Variants in TRPC5 observed in about 807,000 individuals in gnomAD.
TRPC5 encodes the protein short transient receptor potential channel 5.
Under a neutral mutation model 56.5 loss-of-function variants are expected in TRPC5, and 9 were observed. The ratio of observed to expected loss-of-function variants is 0.16; its 90% confidence interval spans 0.10 to 0.28. TRPC5 has a LOEUF of 0.28. TRPC5 is among the 10% of genes least tolerant of loss of function. The probability of loss-of-function intolerance (pLI) is 1.00; values close to 1 mark genes in which losing one functional copy is unlikely to be tolerated. For missense variants in TRPC5, 469 were observed against 748.9 expected (o/e 0.63, Z 4.36); for synonymous variants, 282 against 278.5 (o/e 1.01, Z -0.13).
chrX:111,843,255 A>T (rs1214414243), intron 6 of TRPC5, among the ~76,000 whole-genome samples: 1 of 112,552 alleles, frequency 8.9e-6, no homozygotes, highest in Non-Finnish European at 1.9e-5. Flanking sequence ...TCTATGGCAG[A>T]TGCAAAGCTT....
intron 8 of TRPC5, 21 bp from the exon 9 acceptor site, chrX:111,781,227 A>T: frequency 8.4e-7 from 1 of 1,195,257 alleles, no homozygotes; most frequent in Non-Finnish European, 1.1e-6. Flanking sequence ...AAATAGACAG[A>T]GATGTTACAT....
intron 2 of TRPC5, among the ~76,000 whole-genome samples, chrX:111,916,374 G>T (rs1318926644): frequency 9.0e-6 from 1 of 111,495 alleles, no homozygotes; most frequent in Non-Finnish European, 1.9e-5. Context: ...TCAAAGTGGG[G>T]ACTGATCCAT....
At chrX:111,992,071 T>C (rs1928369239) in intron 1 of TRPC5, among the ~76,000 whole-genome samples, 1 of 112,411 alleles carries the variant, frequency 8.9e-6, no homozygotes, top group Non-Finnish European at 1.9e-5. Context: ...AACTGTGACA[T>C]TAATCAAATG....
At chrX:111,809,864 T>A (rs1921642073) in intron 7 of TRPC5, among the ~76,000 whole-genome samples, 1 of 109,980 alleles carries the variant, frequency 9.1e-6, no homozygotes, top group African/African-American at 3.4e-5. Flanking sequence ...ATGGTCACCA[T>A]GCCGTAGTCT....
chrX:112,035,526 A>C (rs1260901122), intron 1 of TRPC5, among the ~76,000 whole-genome samples: 1 of 110,668 alleles, frequency 9.0e-6, no homozygotes, highest in Non-Finnish European at 1.9e-5. Context: ...CCTATGTTTG[A>C]ACATTGCAAC....
chrX:111,992,186 G>T (rs1338773270), intron 1 of TRPC5, among the ~76,000 whole-genome samples: 1 of 112,299 alleles, frequency 8.9e-6, no homozygotes, highest in Non-Finnish European at 1.9e-5. Flanking sequence ...CTTGGGCACA[G>T]GGTAAGACTA....
At chrX:111,836,513 C>CA (rs1277373585) in intron 6 of TRPC5, among the ~76,000 whole-genome samples, 1 of 111,979 alleles carries the variant, frequency 8.9e-6, no homozygotes, top group Non-Finnish European at 1.9e-5. Context: ...TTCTTATCAT[C>CA]AAGGTCTCAG....
intron 2 of TRPC5, among the ~76,000 whole-genome samples, chrX:111,914,553 C>A (rs1407332284): frequency 9.0e-6 from 1 of 111,709 alleles, no homozygotes; most frequent in Non-Finnish European, 1.9e-5. Context: ...TTGCAAGAAA[C>A]CTGTTTCCTT....
At chrX:112,003,198 C>A (rs1459242977) in intron 1 of TRPC5, among the ~76,000 whole-genome samples, 2 of 111,670 alleles carry the variant, frequency 1.8e-5, no homozygotes, top group African/African-American at 6.5e-5. Flanking sequence ...GTGAGGCAAA[C>A]ATTAATCAAA....
At chrX:111,784,921 G>A (rs772803790) in intron 7 of TRPC5, among the ~76,000 whole-genome samples, 19 of 112,445 alleles carry the variant, frequency 1.7e-4, no homozygotes, top group African/African-American at 6.1e-4. Context: ...CAGGAAGCTC[G>A]AACTGGGGGG....
At chrX:111,901,634 A>C (rs1925349701) in intron 3 of TRPC5, 1 of 320,223 alleles carries the variant, frequency 3.1e-6, no homozygotes, top group Admixed American at 5.5e-5. Context: ...ACCATACATA[A>C]ATTCTGTGCG....
At chrX:112,002,860 T>C (rs745784689) in intron 1 of TRPC5, among the ~76,000 whole-genome samples, 1 of 112,279 alleles carries the variant, frequency 8.9e-6, no homozygotes, top group South Asian at 3.7e-4. Context: ...AACATAAACA[T>C]TGTGACCAAC....
chrX:111,950,763 A>C (rs1927066402), intron 2 of TRPC5, among the ~76,000 whole-genome samples: 1 of 112,413 alleles, frequency 8.9e-6, no homozygotes. Context: ...TCATTTATAA[A>C]ATAATGTTTG....
intron 2 of TRPC5, among the ~76,000 whole-genome samples, chrX:111,916,800 A>G (rs1023463767): frequency 1.6e-4 from 18 of 112,704 alleles, no homozygotes; most frequent in Non-Finnish European, 3.4e-4. Context: ...ACGTTGGCTC[A>G]AAAATTTTAA....
intron 6 of TRPC5, among the ~76,000 whole-genome samples, chrX:111,842,911 C>G (rs1029830030): frequency 8.9e-6 from 1 of 112,225 alleles, no homozygotes; most frequent in Non-Finnish European, 1.9e-5. Flanking sequence ...AGTAGATTAT[C>G]TATAATTAAA....
At chrX:112,064,300 T>G (rs924151252) in intron 1 of TRPC5, among the ~76,000 whole-genome samples, 1 of 112,036 alleles carries the variant, frequency 8.9e-6, no homozygotes, top group Non-Finnish European at 1.9e-5. Flanking sequence ...GAGGATAAAT[T>G]ACTCACCCAA....
intron 7 of TRPC5, among the ~76,000 whole-genome samples, chrX:111,787,822 A>G (rs1945981190): frequency 8.9e-6 from 1 of 111,878 alleles, no homozygotes; most frequent in South Asian, 3.7e-4. Context: ...GAAGAAATGG[A>G]TAAATTCCTC....
intron 5 of TRPC5, among the ~76,000 whole-genome samples, chrX:111,849,394 G>A (rs1324081593): frequency 2.7e-5 from 3 of 112,713 alleles, no homozygotes; most frequent in African/African-American, 6.4e-5. Flanking sequence ...GAATCAGATA[G>A]TACATATTTT....
At chrX:111,937,544 G>A (rs1276633597) in intron 2 of TRPC5, among the ~76,000 whole-genome samples, 6 of 107,309 alleles carry the variant, frequency 5.6e-5, no homozygotes, top group Non-Finnish European at 1.9e-5. Context: ...AAGAGATCCA[G>A]TTTCAGCTTT....
Sources: allele counts gnomAD v4.1 joint callset (sites outside exome capture counted in the v4.1 genomes callset), GRCh38; gene constraint gnomAD v4.1.1; transcripts MANE v1.5; gene names NCBI Gene and HGNC (gene_info 2026-07-23, HGNC 2026-07-21).